The following RNF220 variants were observed in gnomAD, a reference collection of about 807,000 sequenced individuals.
RNF220 encodes the protein ring finger protein 220.
A neutral mutation model predicts 67.1 loss-of-function variants in RNF220; 7 were observed. The observed-to-expected ratio is 0.10, with a 90% CI of 0.06 to 0.20. The LOEUF (loss-of-function observed/expected upper bound fraction) is 0.20, where lower values mean the gene tolerates loss of function less well. Among genes scored for constraint, RNF220 ranks in the 10% least tolerant of loss-of-function variants. The probability of loss-of-function intolerance (pLI) is 1.00; values close to 1 mark genes in which losing one functional copy is unlikely to be tolerated. For synonymous variants in RNF220, 270 were observed against 283.2 expected (o/e 0.95, Z 0.47); for missense variants, 565 against 740.3 (o/e 0.76, Z 2.75).
At chr1:44,448,253 T>G (rs553171481) in intron 2 of RNF220, among the ~76,000 whole-genome samples, 166 of 152,334 alleles carry the variant, frequency 1.1e-3, no homozygotes, top group Middle Eastern at 3.4e-3. Context: ...GAGCCGAGAT[T>G]GCCGCACTGC....
intron 2 of RNF220, among the ~76,000 whole-genome samples, chr1:44,557,492 T>TG (rs1420922215): frequency 6.6e-6 from 1 of 152,026 alleles, no homozygotes; most frequent in Non-Finnish European, 1.5e-5. Context: ...TTTTACATCT[T>TG]GCACAATGCT....
intron 2 of RNF220, among the ~76,000 whole-genome samples, chr1:44,579,220 G>A (rs1665057613): frequency 1.3e-5 from 2 of 152,020 alleles, no homozygotes; most frequent in Non-Finnish European, 2.9e-5. Flanking sequence ...CAAGAGATGG[G>A]TAGACTAACT....
chr1:44,597,692 CCTCT>C (rs1196954431), intron 2 of RNF220, among the ~76,000 whole-genome samples: 3 of 152,218 alleles, frequency 2.0e-5, no homozygotes, highest in East Asian at 3.9e-4. Flanking sequence ...CACACACGCA[CCTCT>C]CTGTCTCATA....
chr1:44,502,151 TCTCTCTCACA>T (rs764074385), intron 2 of RNF220, among the ~76,000 whole-genome samples: 3 of 120,742 alleles, frequency 2.5e-5, no homozygotes, highest in Non-Finnish European at 5.6e-5. Flanking sequence ...TCTCTCTCTC[TCTCTCTCACA>T]CACACACACA....
intron 2 of RNF220, among the ~76,000 whole-genome samples, chr1:44,450,738 C>CAA (rs1652583292): frequency 1.3e-5 from 2 of 152,166 alleles, no homozygotes; most frequent in Non-Finnish European, 2.9e-5. Context: ...TTGTAATTTA[C>CAA]TTCCAGTTTT....
intron 2 of RNF220, among the ~76,000 whole-genome samples, chr1:44,482,846 C>T (rs1045344430): frequency 1.3e-5 from 2 of 151,454 alleles, no homozygotes; most frequent in African/African-American, 4.9e-5. Context: ...GTCTCAAACT[C>T]CTGACCTCAA....
chr1:44,600,737 C>T lies in RNF220; in HGVS notation c.626-13428C>T, dbSNP rs1430855098. ...TCGGGAGGCTGAGGCAGGAGAATCA[C>T]TTGAACCCGGGAGGCAGAGGTTGCA... On this transcript the variant is annotated intron_variant, in intron 2 of 14. Transcript: ENST00000361799. The surrounding 1 kb of genome is among the most constrained non-coding windows in gnomAD (Gnocchi z 4.0). 6.6e-6 allele frequency among the ~76,000 whole-genome samples: 1 copy of T among 152,030 alleles called. No homozygotes were observed. Among genetic ancestry groups the T allele is most frequent in the Non-Finnish European group, 1.5e-5 (1 of 68,024 alleles).
chr1:44,636,591 A>G (rs1644338495), intron 8 of RNF220: 2 of 618,982 alleles, frequency 3.2e-6, no homozygotes, highest in East Asian at 5.6e-5. Context: ...AACACATTGG[A>G]TTTTCCTCCT....
chr1:44,535,704 G>A (rs1440100816), intron 2 of RNF220, among the ~76,000 whole-genome samples: 1 of 152,180 alleles, frequency 6.6e-6, no homozygotes, highest in Non-Finnish European at 1.5e-5. Flanking sequence ...GGACTGACCC[G>A]CCATCCTTCT....
intron 2 of RNF220, among the ~76,000 whole-genome samples, chr1:44,472,543 G>A (rs1417375380): frequency 6.6e-6 from 1 of 152,094 alleles, no homozygotes; most frequent in Admixed American, 6.5e-5. Flanking sequence ...TTCTTTGAAT[G>A]TAGAGTCTTT....
intron 2 of RNF220, among the ~76,000 whole-genome samples, chr1:44,578,407 A>G (rs1291169365): frequency 6.6e-6 from 1 of 152,136 alleles, no homozygotes; most frequent in Non-Finnish European, 1.5e-5. Flanking sequence ...AAGTGCTGGG[A>G]TTACAGGCAT....
intron 2 of RNF220, among the ~76,000 whole-genome samples, chr1:44,607,277 C>T (rs1289467103): frequency 1.3e-5 from 2 of 152,124 alleles, no homozygotes; most frequent in African/African-American, 4.8e-5. Context: ...ATATCACTCT[C>T]CTGTTTAAAA....
rs1338593367 is a variant in RNF220, at chr1:44,412,770, T to C, written c.625+48T>C. 1.3e-6 allele frequency: 2 copies of C among 1,571,714 alleles called. No homozygotes were observed. Among genetic ancestry groups the C allele is most frequent in the African/African-American group, 1.4e-5 (1 of 73,834 alleles). On this transcript the variant is annotated intron_variant, in intron 2 of 14. Transcript: ENST00000361799. This position sits in a 1 kb window ranked among gnomAD's most constrained non-coding sequence, Gnocchi z 5.3. ...TCCCTTACCCCCAGTAAGCCCTGCC[T>C]CACCGTGATGTTCAACAGGTCGGTG...
At chr1:44,627,562 G>A (rs901709883) in intron 5 of RNF220, among the ~76,000 whole-genome samples, 1 of 152,106 alleles carries the variant, frequency 6.6e-6, no homozygotes, top group Admixed American at 6.6e-5. Flanking sequence ...CTCTGGAGTA[G>A]GAAGGACAAA....
At chr1:44,641,576 AG>A (rs915929544) in intron 8 of RNF220, among the ~76,000 whole-genome samples, 15 of 152,152 alleles carry the variant, frequency 9.9e-5, no homozygotes, top group East Asian at 7.7e-4. Context: ...TCCAAGCGGG[AG>A]GGGGGGCAAG....
chr1:44,544,170 C>G (rs1156606276), intron 2 of RNF220, among the ~76,000 whole-genome samples: 1 of 152,224 alleles, frequency 6.6e-6, no homozygotes, highest in African/African-American at 2.4e-5. Context: ...CCACTGTGAA[C>G]TGGAGCGGGG....
intron 2 of RNF220, among the ~76,000 whole-genome samples, chr1:44,515,469 T>C (rs1408800954): frequency 2.6e-5 from 4 of 152,250 alleles, no homozygotes; most frequent in Non-Finnish European, 5.9e-5. Context: ...AAGTCATTGC[T>C]TGTGGTGAGA....
intron 2 of RNF220, among the ~76,000 whole-genome samples, chr1:44,550,515 A>G (rs1328500073): frequency 6.6e-6 from 1 of 152,184 alleles, no homozygotes; most frequent in Non-Finnish European, 1.5e-5. Flanking sequence ...CGGCCCTCTC[A>G]ACAGTGATGG....
intron 1 of RNF220, among the ~76,000 whole-genome samples, chr1:44,407,248 C>G (rs1362966130): frequency 6.6e-6 from 1 of 152,106 alleles, no homozygotes; most frequent in Non-Finnish European, 1.5e-5. Context: ...CTCGCCTCCG[C>G]TCCGGACTCG....
Sources: allele counts gnomAD v4.1 joint callset (sites outside exome capture counted in the v4.1 genomes callset), GRCh38; gene constraint gnomAD v4.1.1; non-coding constraint Gnocchi (gnomAD v3.1); transcripts MANE v1.5; gene names NCBI Gene and HGNC (gene_info 2026-07-23, HGNC 2026-07-21).